The following ABLIM1 variants were observed in gnomAD, a reference collection of about 807,000 sequenced individuals.
ABLIM1 encodes the protein actin binding LIM protein 1.
ABLIM1 carries 40 observed loss-of-function variants against 107.0 expected under a neutral mutation model. That is an observed-to-expected ratio of 0.37 (90% CI 0.29 to 0.49). The LOEUF (loss-of-function observed/expected upper bound fraction) is 0.49. ABLIM1 is among the 20% of genes least tolerant of loss of function. ABLIM1 has a pLI of 0.97. For missense variants in ABLIM1, 857 were observed against 1,008.5 expected (o/e 0.85, Z 2.04); for synonymous variants, 357 against 357.3 (o/e 1.00, Z 0.01).
chr10:114,457,262 ATTTATT>A (rs572107647), intron 12 of ABLIM1, among the ~76,000 whole-genome samples: 335 of 152,010 alleles, frequency 2.2e-3, no homozygotes, highest in African/African-American at 7.9e-3. Flanking sequence ...CCTTATCTGT[ATTTATT>A]TTTATTTTTA....
At chr10:114,648,321 C>G (rs1320967767) in intron 1 of ABLIM1, among the ~76,000 whole-genome samples, 1 of 152,128 alleles carries the variant, frequency 6.6e-6, no homozygotes, top group Non-Finnish European at 1.5e-5. Context: ...TGTGATATAT[C>G]CCTACAATGG....
At chr10:114,624,231 G>T (rs1340158702) in intron 1 of ABLIM1, among the ~76,000 whole-genome samples, 1 of 152,160 alleles carries the variant, frequency 6.6e-6, no homozygotes, top group East Asian at 1.9e-4. Flanking sequence ...TTTAATGCTG[G>T]CTCAGGAAAA....
At chr10:114,476,698 C>T (rs1590162451) in intron 8 of ABLIM1, among the ~76,000 whole-genome samples, 1 of 139,044 alleles carries the variant, frequency 7.2e-6, no homozygotes, top group Non-Finnish European at 1.6e-5. Context: ...ATTTCTAGAT[C>T]CATTTCCTAA....
intron 6 of ABLIM1, among the ~76,000 whole-genome samples, chr10:114,541,298 G>A (rs556332116): frequency 6.6e-6 from 1 of 152,238 alleles, no homozygotes; most frequent in Admixed American, 6.5e-5. Flanking sequence ...GTTTAAGCTT[G>A]TTGCTTTAAG....
At chr10:114,698,367 C>T (rs916183100) in intron 1 of ABLIM1, among the ~76,000 whole-genome samples, 1 of 148,280 alleles carries the variant, frequency 6.7e-6, no homozygotes. Context: ...TGTCAAGAAA[C>T]CCTCCCATAA....
At chr10:114,665,112 G>A (rs775739505) in intron 1 of ABLIM1, among the ~76,000 whole-genome samples, 2 of 83,242 alleles carry the variant, frequency 2.4e-5, no homozygotes, top group Admixed American at 1.1e-4. Flanking sequence ...GCGAGACTCC[G>A]TCTCAAAAAA....
intron 1 of ABLIM1, among the ~76,000 whole-genome samples, chr10:114,720,139 C>T (rs927026806): frequency 2.6e-5 from 4 of 152,140 alleles, no homozygotes; most frequent in Non-Finnish European, 5.9e-5. Context: ...TTTTCTGTTC[C>T]TGCATCAGTT....
chr10:114,445,217 C>A lies in ABLIM1; in HGVS notation c.1827+95G>T, dbSNP rs573124695. ...CCTTGAAGACTGGGACCACCTCTTG[C>A]CTATCTAGATGGTTTATACATAGTA... On this transcript the variant is annotated intron_variant, in intron 16 of 22. Transcript: ENST00000533213. 29 of 1,136,458 alleles carry A rather than the reference C, an allele frequency of 2.6e-5. No individual in the cohort carries two copies. The South Asian group carries it at 3.4e-4, about 13-fold the overall frequency. The allele number at this position is 1,136,458 out of a possible 1,614,324, so 70.4% of individuals were successfully genotyped here.
chr10:114,684,006 C>T (rs567264781), intron 1 of ABLIM1, among the ~76,000 whole-genome samples: 1 of 152,282 alleles, frequency 6.6e-6, no homozygotes, highest in East Asian at 1.9e-4. Flanking sequence ...AAAGGACCAA[C>T]CTACTGTTGG....
chr10:114,451,553 T>C (rs1257023834), intron 14 of ABLIM1, 71 bp downstream of exon 14: 8 of 1,426,632 alleles, frequency 5.6e-6, no homozygotes, highest in Non-Finnish European at 7.9e-6. Context: ...GAAAAGCCTT[T>C]CAGAGGACAG....
intron 3 of ABLIM1, 31 bp downstream of exon 3, chr10:114,575,385 G>T (rs754025261): frequency 6.2e-7 from 1 of 1,606,936 alleles, no homozygotes; most frequent in Admixed American, 1.7e-5. Context: ...TTGGAGGAAG[G>T]TGTAGGCTTT....
intron 4 of ABLIM1, among the ~76,000 whole-genome samples, chr10:114,555,864 C>A (rs1045106328): frequency 2.0e-5 from 3 of 151,208 alleles, no homozygotes; most frequent in African/African-American, 7.3e-5. Context: ...TAAAAAAAAA[C>A]AAAAAACCAT....
rs11374796 is a variant in ABLIM1, at chr10:114,702,525, C to CTTT, written c.-213+65533_-213+65535dup. Among the ~76,000 whole-genome samples, 31 of 129,572 alleles carry CTTT rather than the reference C, an allele frequency of 2.4e-4. 1 individual carries two copies. The highest frequency in any genetic ancestry group is 3.1e-4 in the Non-Finnish European group (19 of 61,572). 85.0% of individuals were successfully genotyped at this position (129,572 alleles called of 152,430 possible). On this transcript the variant is annotated intron_variant, in intron 1 of 15. Transcript: ENST00000651092. ...ACTGAACAATATATAAGTAAGAACA[C>CTTT]TTTTTTTTTTTTTTTTTTTGAGATG...
intron 1 of ABLIM1, among the ~76,000 whole-genome samples, chr10:114,764,610 G>T (rs1321369944): frequency 6.6e-6 from 1 of 152,172 alleles, no homozygotes; most frequent in Non-Finnish European, 1.5e-5. Context: ...CCAACGTGCT[G>T]GGATTACAGG....
intron 1 of ABLIM1, among the ~76,000 whole-genome samples, chr10:114,668,300 GAT>G (rs1156682997): frequency 3.3e-5 from 5 of 152,090 alleles, no homozygotes; most frequent in Non-Finnish European, 7.3e-5. Flanking sequence ...GTGAGACAGG[GAT>G]ATTAGTAGAT....
At chr10:114,766,007 T>C (rs1159635695) in intron 1 of ABLIM1, among the ~76,000 whole-genome samples, 2 of 152,230 alleles carry the variant, frequency 1.3e-5, no homozygotes, top group African/African-American at 4.8e-5. Context: ...TCTATTACAA[T>C]ATTTGAAGGA....
chr10:114,562,845 C>T (rs1040318909), intron 4 of ABLIM1, among the ~76,000 whole-genome samples: 1 of 151,842 alleles, frequency 6.6e-6, no homozygotes, highest in Non-Finnish European at 1.5e-5. Flanking sequence ...TCATAAAAGC[C>T]AAAAAGAAAA....
rs191468888 is a variant in ABLIM1, at chr10:114,547,736, C to G, written c.714G>C (p.Ala238=). Reference sequence around the variant, plus strand: ...GCCACTGCTTATCCAGCGCCAGCAGCGCCTGCCCATTCTTGATATCTCTTC... The same window carrying G: ...GCCACTGCTTATCCAGCGCCAGCAGGGCCTGCCCATTCTTGATATCTCTTC... ...GCGRDIKNGQ[A]LLALDKQWHL... Residue 238 remains alanine (A), a synonymous_variant, in exon 5 of 23, where the codon GCG becomes GCC. Coordinates refer to ENST00000533213, the MANE Select transcript of ABLIM1 (RefSeq NM_002313.7). 2 of 1,612,864 alleles carry G rather than the reference C, an allele frequency of 1.2e-6. No homozygotes were observed. The highest frequency in any genetic ancestry group is 2.7e-5 in the African/African-American group (2 of 74,950).
intron 2 of ABLIM1, among the ~76,000 whole-genome samples, chr10:114,589,276 T>G (rs1335772776): frequency 6.7e-6 from 1 of 149,320 alleles, no homozygotes; most frequent in Non-Finnish European, 1.5e-5. Flanking sequence ...ATGCCTATAA[T>G]CCCAGAACTG....
Sources: allele counts gnomAD v4.1 joint callset (sites outside exome capture counted in the v4.1 genomes callset), GRCh38; gene constraint gnomAD v4.1.1; transcripts MANE v1.5; gene names NCBI Gene and HGNC (gene_info 2026-07-23, HGNC 2026-07-21).